The following LOC128125817 variants were observed in gnomAD, a reference collection of about 807,000 sequenced individuals.
chr1:41,619,316 G>A, the LOC128125817 span, among the ~76,000 whole-genome samples: 4 of 152,172 alleles, frequency 2.6e-5, no homozygotes, highest in East Asian at 1.9e-4. Flanking sequence ...TGCCAGCCCC[G>A]TGCCCCCTAT....
the LOC128125817 span, among the ~76,000 whole-genome samples, chr1:41,596,164 T>C: frequency 2.6e-5 from 4 of 152,002 alleles, no homozygotes; most frequent in African/African-American, 4.8e-5. Context: ...CGAGATAAAG[T>C]CCCAAACTGT....
chr1:41,589,012 C>T, the LOC128125817 span, among the ~76,000 whole-genome samples: 42 of 152,162 alleles, frequency 2.8e-4, no homozygotes, highest in African/African-American at 9.2e-4. Context: ...CGGCATAAAC[C>T]GAAGGACCGT....
At chr1:41,611,176 G>C in the LOC128125817 span, among the ~76,000 whole-genome samples, 86 of 152,306 alleles carry the variant, frequency 5.6e-4, no homozygotes, top group African/African-American at 2.0e-3. Flanking sequence ...GCAAATGAAT[G>C]AGTGAATGGA....
the LOC128125817 span, among the ~76,000 whole-genome samples, chr1:41,597,740 C>T: frequency 6.6e-6 from 1 of 152,140 alleles, no homozygotes; most frequent in Non-Finnish European, 1.5e-5. Flanking sequence ...TTTTTAGCAG[C>T]CTTCCTTTCC....
the LOC128125817 span, among the ~76,000 whole-genome samples, chr1:41,594,514 G>A: frequency 2.0e-5 from 3 of 152,156 alleles, no homozygotes; most frequent in East Asian, 1.9e-4. Flanking sequence ...GAGCCACCCC[G>A]CCTGGCCGAT....
the LOC128125817 span, chr1:41,628,812 T>C: frequency 2.4e-6 from 3 of 1,231,728 alleles, no homozygotes; most frequent in African/African-American, 4.7e-5. Flanking sequence ...AAAGCCAGCA[T>C]TCATGTCCAC....
At chr1:41,585,595 G>C in the LOC128125817 span, among the ~76,000 whole-genome samples, 1 of 152,214 alleles carries the variant, frequency 6.6e-6, no homozygotes, top group Non-Finnish European at 1.5e-5. Flanking sequence ...GCTGAGAACA[G>C]AAGGCAAAGT....
At chr1:41,618,901 G>C in the LOC128125817 span, among the ~76,000 whole-genome samples, 3 of 152,318 alleles carry the variant, frequency 2.0e-5, no homozygotes, top group South Asian at 6.2e-4. Flanking sequence ...TCAAAATGGA[G>C]CTGGAATCAG....
At chr1:41,614,850 G>GA in the LOC128125817 span, among the ~76,000 whole-genome samples, 4 of 152,138 alleles carry the variant, frequency 2.6e-5, no homozygotes, top group South Asian at 2.1e-4. Flanking sequence ...CAGTTCCTCA[G>GA]AAAAAACAAA....
the LOC128125817 span, among the ~76,000 whole-genome samples, chr1:41,607,991 C>CT: frequency 6.6e-6 from 1 of 152,218 alleles, no homozygotes; most frequent in Non-Finnish European, 1.5e-5. Flanking sequence ...CTCACACGAG[C>CT]CCATGGCCAC....
chr1:41,589,111 C>T, the LOC128125817 span, among the ~76,000 whole-genome samples: 1,925 of 152,276 alleles, frequency 0.013, 53 homozygotes, highest in African/African-American at 0.043. Context: ...TTAACACAAA[C>T]TTGAAGTGAT....
At chr1:41,626,502 G>A in the LOC128125817 span, among the ~76,000 whole-genome samples, 2 of 152,198 alleles carry the variant, frequency 1.3e-5, no homozygotes, top group Admixed American at 6.5e-5. Flanking sequence ...CACGAAGCGG[G>A]GGGAGGGGAG....
the LOC128125817 span, among the ~76,000 whole-genome samples, chr1:41,591,932 T>C: frequency 1.3e-5 from 2 of 151,812 alleles, no homozygotes; most frequent in Non-Finnish European, 2.9e-5. Flanking sequence ...ACTAAAGACA[T>C]TTCTGAGTCC....
the LOC128125817 span, among the ~76,000 whole-genome samples, chr1:41,585,519 G>A: frequency 6.6e-6 from 1 of 152,136 alleles, no homozygotes; most frequent in Admixed American, 6.5e-5. Context: ...TTCCTCCCCC[G>A]CTCCCATGTC....
chr1:41,598,379 T>C, the LOC128125817 span, among the ~76,000 whole-genome samples: 1 of 152,216 alleles, frequency 6.6e-6, no homozygotes, highest in African/African-American at 2.4e-5. Flanking sequence ...GTGTCTACTA[T>C]GGAGAGCAAT....
At chr1:41,617,097 G>C in the LOC128125817 span, among the ~76,000 whole-genome samples, 1 of 152,164 alleles carries the variant, frequency 6.6e-6, no homozygotes, top group Non-Finnish European at 1.5e-5. Flanking sequence ...ACAGAGACAG[G>C]ATCTGTCTCA....
chr1:41,586,015 A>G, the LOC128125817 span, among the ~76,000 whole-genome samples: 2 of 152,344 alleles, frequency 1.3e-5, no homozygotes, highest in Non-Finnish European at 2.9e-5. Flanking sequence ...CTACTGCCAC[A>G]GCCTGTGAGA....
At chr1:41,598,395 G>T in the LOC128125817 span, among the ~76,000 whole-genome samples, 1 of 152,256 alleles carries the variant, frequency 6.6e-6, no homozygotes, top group Admixed American at 6.5e-5. Context: ...GCAATACATA[G>T]AATACACAAT....
At chr1:41,598,054 T>C in the LOC128125817 span, among the ~76,000 whole-genome samples, 3 of 152,366 alleles carry the variant, frequency 2.0e-5, no homozygotes, top group Non-Finnish European at 4.4e-5. Context: ...TGGGCATCTA[T>C]GAACTTAACT....
Sources: allele counts gnomAD v4.1 joint callset (sites outside exome capture counted in the v4.1 genomes callset), GRCh38; gene constraint gnomAD v4.1.1; transcripts MANE v1.5.